The following SLA variants were observed in gnomAD, a reference collection of about 807,000 sequenced individuals.
SLA encodes the protein src-like-adapter.
A neutral mutation model predicts 30.3 loss-of-function variants in SLA; 16 were observed. The ratio of observed to expected loss-of-function variants is 0.53; its 90% CI spans 0.36 to 0.80. The LOEUF (loss-of-function observed/expected upper bound fraction) is 0.80, where lower values mean the gene tolerates loss of function less well. Ranked by LOEUF, SLA falls within the 30% of genes least tolerant of loss-of-function variation. SLA has a pLI of 0.01. For missense variants in SLA, 310 were observed against 345.2 expected (o/e 0.90, Z 0.81); for synonymous variants, 143 against 137.8 (o/e 1.04, Z -0.26).
In SLA at chr8:133,060,104, C is replaced by T. The variant is rs755425807; in HGVS notation, c.57G>A (p.Pro19=). ...CACCAGAGAAGCCAGACTTACCCTC[C>T]GGGTTGGGCAGGGGCCTCTCGGCAG... The part of the protein sequence containing the change: ...PAPAERPLPN[P]EGLDSDFLAV... Residue 19 remains proline (P), a synonymous_variant, in exon 3 of 9, where the codon CCG becomes CCA. Transcript: ENST00000338087. 43 of 1,595,164 alleles carry T rather than the reference C, an allele frequency of 2.7e-5. No homozygotes were observed. Among genetic ancestry groups the T allele is most frequent in the Admixed American group, 5.6e-5 (3 of 53,602 alleles).
Position 133,049,907 on chromosome 8 carries a change from G to T in SLA, c.243C>A (p.Tyr81Ter). 6.2e-7 allele frequency: 1 copy of T among 1,604,584 alleles called. No individual in the cohort carries two copies. The highest frequency in any genetic ancestry group is 8.5e-7 in the Non-Finnish European group (1 of 1,171,316). The part of the protein sequence containing the change: ...YIPGICVARV[Y>*]HGWLFEGLGR... Reference sequence around the variant, plus strand: ...CATTTGAGAAATGTACTCACCCATGGTAAACTCTGGCCACACATATTCCAG... The same window carrying T: ...CATTTGAGAAATGTACTCACCCATGTTAAACTCTGGCCACACATATTCCAG... The change falls in exon 5 of 9, where the codon TAC becomes TAA. Residue 81 changes from tyrosine to a stop codon, truncating the protein, a stop_gained. Transcript: ENST00000338087. LOFTEE classifies it high-confidence loss of function.
intron 1 of SLA, chr8:133,090,157 T>C (rs898371386): frequency 2.0e-5 from 3 of 152,220 alleles, no homozygotes; most frequent in African/African-American, 4.8e-5. Flanking sequence ...GGTTGATAAC[T>C]CTCAGGTAAT....
chr8:133,046,007 C>T (rs890662041), intron 6 of SLA, among the ~76,000 whole-genome samples: 5 of 152,086 alleles, frequency 3.3e-5, no homozygotes, highest in Admixed American at 2.0e-4. Flanking sequence ...TCTGGGTATC[C>T]GTAAGAACCA....
chr8:133,064,931 T>A (rs1842848314), intron 2 of SLA, among the ~76,000 whole-genome samples: 1 of 152,084 alleles, frequency 6.6e-6, no homozygotes, highest in African/African-American at 2.4e-5. Flanking sequence ...ATTGAGGAAG[T>A]CCAACCAAGG....
chr8:133,094,012 C>T (rs947782152), intron 1 of SLA, among the ~76,000 whole-genome samples: 1 of 152,174 alleles, frequency 6.6e-6, no homozygotes, highest in African/African-American at 2.4e-5. Flanking sequence ...GTATCACCAC[C>T]ACTGCCTCCC....
At chr8:133,098,537 C>A (rs988011167) in intron 1 of SLA, among the ~76,000 whole-genome samples, 1 of 152,206 alleles carries the variant, frequency 6.6e-6, no homozygotes, top group Non-Finnish European at 1.5e-5. Context: ...AATCTCTGTG[C>A]ACAAGACACC....
intron 1 of SLA, among the ~76,000 whole-genome samples, chr8:133,100,983 G>C (rs1242562386): frequency 6.6e-6 from 1 of 152,104 alleles, no homozygotes; most frequent in Non-Finnish European, 1.5e-5. Flanking sequence ...GGAAAGAAAG[G>C]CTTAGTGAGG....
chr8:133,039,853 C>T (rs1837831278), intron 8 of SLA, 145 bp downstream of exon 8: 1 of 1,401,500 alleles, frequency 7.1e-7, no homozygotes, highest in Non-Finnish European at 9.5e-7. Context: ...GGGGGGTGCT[C>T]ACCCCCCAGT....
chr8:133,055,345 G>A (rs559971529), intron 3 of SLA, among the ~76,000 whole-genome samples: 226 of 139,344 alleles, frequency 1.6e-3, no homozygotes, highest in Non-Finnish European at 3.0e-3. Context: ...GTCATCTTCA[G>A]GACACACACA....
chr8:133,056,760 C>G lies in SLA; in HGVS notation c.61+3340G>C, dbSNP rs534022228. Among the ~76,000 whole-genome samples the G allele has an allele frequency of 3.9e-5, 6 of 152,280 alleles. No individual in the cohort carries two copies. In the South Asian group the frequency reaches 8.3e-4, roughly 21 times the overall value. ...AGCACCAAGCGGCTCTAATCATTCC[C>G]GTTTTACAAAGGAGGACAGAGAGAC... On this transcript the variant is annotated intron_variant, in intron 3 of 8. Transcript: ENST00000338087.
At chr8:133,063,141 G>A (rs1842613906) in intron 2 of SLA, among the ~76,000 whole-genome samples, 2 of 152,288 alleles carry the variant, frequency 1.3e-5, no homozygotes, top group Middle Eastern at 3.4e-3. Context: ...CCCAGACACA[G>A]CAAACTGTCC....
At chr8:133,084,501 A>G (rs1588040955) in intron 1 of SLA, among the ~76,000 whole-genome samples, 1 of 152,330 alleles carries the variant, frequency 6.6e-6, no homozygotes, top group African/African-American at 2.4e-5. Flanking sequence ...TCACTTTTAA[A>G]GTGTGACACC....
At chr8:133,087,659 A>G (rs1287064315) in intron 1 of SLA, 2 of 152,254 alleles carry the variant, frequency 1.3e-5, no homozygotes, top group Non-Finnish European at 2.9e-5. Flanking sequence ...CATTGGAGAC[A>G]AGTTAGAATA....
chr8:133,047,474 C>T, intron 6 of SLA: 1 of 232,192 alleles, frequency 4.3e-6, no homozygotes, highest in Non-Finnish European at 8.7e-6. Context: ...AGTCACAGAG[C>T]TTGAGAGCAC....
At chr8:133,094,950 G>C in intron 1 of SLA, 1 of 1,568,208 alleles carries the variant, frequency 6.4e-7, no homozygotes, top group Non-Finnish European at 8.8e-7. Flanking sequence ...CTTGGAGGAA[G>C]GATGCAGAAC....
chr8:133,092,456 T>A (rs1847715999), intron 1 of SLA, among the ~76,000 whole-genome samples: 1 of 152,222 alleles, frequency 6.6e-6, no homozygotes, highest in Non-Finnish European at 1.5e-5. Flanking sequence ...CCTACAGGCA[T>A]GGCTGGGTGG....
intron 6 of SLA, chr8:133,046,955 A>T (rs1839533097): frequency 6.6e-6 from 1 of 152,170 alleles, no homozygotes. Context: ...TTGATATTGA[A>T]TGTACAAGAA....
intron 1 of SLA, among the ~76,000 whole-genome samples, chr8:133,100,157 A>T (rs1211464605): frequency 1.3e-5 from 2 of 152,172 alleles, no homozygotes; most frequent in East Asian, 3.9e-4. Context: ...GGCTGAGCAC[A>T]TCCCATATCA....
At chr8:133,068,019 C>T (rs1436931454) in intron 2 of SLA, among the ~76,000 whole-genome samples, 1 of 152,080 alleles carries the variant, frequency 6.6e-6, no homozygotes, top group African/African-American at 2.4e-5. Context: ...GGAGTAGCTG[C>T]CTGGGGCTGG....
Sources: gnomAD v4.1 joint callset for allele counts (sites outside exome capture counted in the v4.1 genomes callset) on GRCh38, gnomAD v4.1.1 for gene constraint, MANE v1.5 for transcripts, NCBI Gene and HGNC (gene_info 2026-07-23, HGNC 2026-07-21) for gene names.